Variants in FARP2 observed in about 807,000 individuals in gnomAD.
FARP2 encodes the protein FERM, ARHGEF and pleckstrin domain-containing protein 2.
Under a neutral mutation model 130.5 loss-of-function variants are expected in FARP2, and 111 were observed. The observed-to-expected ratio is 0.85, with a 90% CI of 0.73 to 1.00. FARP2 has a LOEUF of 1.00. Among genes scored for constraint, FARP2 ranks in the 50% least tolerant of loss-of-function variants. The pLI is 0.00. For synonymous variants in FARP2, 504 were observed against 516.9 expected, an observed-to-expected ratio of 0.98 and a Z score of 0.34; for missense variants, 1,385 against 1,346.3, an observed-to-expected ratio of 1.03 and a Z score of -0.45.
chr2:241,469,053 T>TTTTTTG (rs756666400), intron 18 of FARP2, among the ~76,000 whole-genome samples: 1 of 151,790 alleles, frequency 6.6e-6, no homozygotes, highest in African/African-American at 2.4e-5. Flanking sequence ...TATCAGGAGG[T>TTTTTTG]TTTTTGTTTT....
At position 241,435,510 on chromosome 2, in the gene FARP2, A is replaced by ATT. The variant is rs374376821; in HGVS notation, c.1100+498_1100+499dup. ...ATGTTTTAAAGAAAGTGGATTTGTA[A>ATT]TTTTTTTTTTTTTTTTTTTGAGACG... On this transcript the variant is annotated intron_variant, in intron 11 of 26. Coordinates refer to ENST00000264042, the MANE Select transcript of FARP2 (RefSeq NM_014808.4). 1.3e-3 allele frequency among the ~76,000 whole-genome samples: 179 copies of ATT among 134,522 alleles called. 1 individual carries two copies. The highest frequency in any genetic ancestry group is 4.2e-3 in the East Asian group (19 of 4,558). The allele number at this position is 134,522 out of a possible 152,430, so 88.3% of individuals were successfully genotyped here.
intron 1 of FARP2, among the ~76,000 whole-genome samples, chr2:241,360,274 T>C (rs1168897858): frequency 3.9e-5 from 6 of 152,134 alleles, no homozygotes; most frequent in Non-Finnish European, 8.8e-5. Context: ...TTTATGGAGC[T>C]TGAAGGTATA....
intron 2 of FARP2, among the ~76,000 whole-genome samples, chr2:241,383,390 C>T (rs904808680): frequency 2.0e-5 from 3 of 152,188 alleles, no homozygotes; most frequent in Non-Finnish European, 2.9e-5. Flanking sequence ...TGGGAGGGGC[C>T]GGCACAGATC....
At chr2:241,487,977 T>C (rs187560837) in intron 21 of FARP2, among the ~76,000 whole-genome samples, 48 of 152,018 alleles carry the variant, frequency 3.2e-4, no homozygotes, top group Admixed American at 2.6e-4. Flanking sequence ...CTCGATCTCC[T>C]GACCTCGTGA....
At chr2:241,409,290 C>G (rs2062453368) in intron 5 of FARP2, among the ~76,000 whole-genome samples, 1 of 152,130 alleles carries the variant, frequency 6.6e-6, no homozygotes, top group Admixed American at 6.5e-5. Flanking sequence ...CGGCTCACAC[C>G]TGTAATTCCA....
chr2:241,471,931 T>TCTGCTCTGC, intron 18 of FARP2, among the ~76,000 whole-genome samples: 1 of 60,266 alleles, frequency 1.7e-5, no homozygotes, highest in Non-Finnish European at 3.7e-5. Flanking sequence ...CTGAGGGGAT[T>TCTGCTCTGC]ATGTTCTGTG....
At chr2:241,379,741 C>G (rs1165102281) in intron 2 of FARP2, among the ~76,000 whole-genome samples, 2 of 152,196 alleles carry the variant, frequency 1.3e-5, no homozygotes, top group Admixed American at 1.3e-4. Flanking sequence ...TTATTTTGGT[C>G]TGACCTCAGA....
intron 6 of FARP2, among the ~76,000 whole-genome samples, chr2:241,411,432 C>T (rs2062515064): frequency 6.6e-6 from 1 of 151,790 alleles, no homozygotes; most frequent in African/African-American, 2.4e-5. Flanking sequence ...CATATTCAGT[C>T]TAAGAGTCAG....
intron 1 of FARP2, among the ~76,000 whole-genome samples, chr2:241,359,518 C>G (rs1184090402): frequency 6.6e-6 from 1 of 152,198 alleles, no homozygotes; most frequent in Non-Finnish European, 1.5e-5. Context: ...TATACTCATC[C>G]TTTCCCAGCT....
chr2:241,413,907 A>C (rs1482806344), intron 7 of FARP2, among the ~76,000 whole-genome samples: 1 of 148,244 alleles, frequency 6.7e-6, no homozygotes, highest in Non-Finnish European at 1.5e-5. Context: ...GTGCCACTAC[A>C]CTCCAGCCTG....
intron 8 of FARP2, among the ~76,000 whole-genome samples, chr2:241,428,835 C>T (rs2063023449): frequency 6.6e-6 from 1 of 152,184 alleles, no homozygotes; most frequent in African/African-American, 2.4e-5. Context: ...CCAGAACAGG[C>T]ACCCATCAGG....
intron 2 of FARP2, among the ~76,000 whole-genome samples, chr2:241,378,604 G>A (rs1185848869): frequency 6.6e-6 from 1 of 151,714 alleles, no homozygotes; most frequent in Non-Finnish European, 1.5e-5. Flanking sequence ...TAGAGATGGG[G>A]TCTCCCCACA....
At position 241,374,168 on chromosome 2, in the gene FARP2, C is replaced by T. The variant is rs559842351; in HGVS notation, c.183+878C>T. On this transcript the variant is annotated intron_variant, in intron 2 of 26. Coordinates refer to ENST00000264042, the MANE Select transcript of FARP2 (RefSeq NM_014808.4). ...CTGGGATTACAAGCATGCACCACCA[C>T]GCCTGGCTAATTTTTGTACTTTTAG... 1.5e-4 allele frequency among the ~76,000 whole-genome samples: 23 copies of T among 152,002 alleles called. No homozygotes were observed. In the South Asian group the frequency reaches 3.1e-3, roughly 21 times the overall value.
intron 2 of FARP2, among the ~76,000 whole-genome samples, chr2:241,374,622 C>T (rs2061493265): frequency 6.6e-6 from 1 of 152,112 alleles, no homozygotes; most frequent in Non-Finnish European, 1.5e-5. Flanking sequence ...GTGGGTGGGG[C>T]AGTGAAGCTC....
At chr2:241,388,263 C>T (rs1374438326) in intron 2 of FARP2, among the ~76,000 whole-genome samples, 2 of 152,214 alleles carry the variant, frequency 1.3e-5, no homozygotes, top group Non-Finnish European at 2.9e-5. Context: ...TGAGAATCCA[C>T]AAATAAGCCC....
intron 19 of FARP2, chr2:241,478,765 C>T (rs1241487018): frequency 1.9e-5 from 8 of 422,338 alleles, no homozygotes; most frequent in Admixed American, 1.1e-4. Flanking sequence ...ATGTGTACCA[C>T]GTGCTTCAGT....
chr2:241,378,558 G>A (rs12622120), intron 2 of FARP2, among the ~76,000 whole-genome samples: 5,064 of 151,920 alleles, frequency 0.033, 505 homozygotes, highest in Admixed American at 0.19. Context: ...AACTACAGGC[G>A]TGTACCACCA....
rs578055443 is a variant in FARP2, at chr2:241,490,969, G to C, written c.2505-92G>C. On this transcript the variant is annotated intron_variant, in intron 22 of 26. Transcript: ENST00000264042. ...AGGCAGGACAAAGCAGAATGTGAGA[G>C]AACAGGTGCCCTGACGGCTCGCCCT... The C allele has an allele frequency of 2.2e-5, 20 of 921,358 alleles. No individual in the cohort carries two copies. The Admixed American group carries it at 3.2e-4, about 15-fold the overall frequency. The allele number at this position is 921,358 out of a possible 1,614,324, so 57.1% of individuals were successfully genotyped here. A position where few individuals can be genotyped will look rare whatever the true frequency, so the allele number is the denominator to read the frequency against.
chr2:241,434,745 G>A (rs1270565509), intron 10 of FARP2, among the ~76,000 whole-genome samples: 2 of 152,070 alleles, frequency 1.3e-5, no homozygotes, highest in Admixed American at 1.3e-4. Context: ...CCAGCTACTC[G>A]GGAGGCTGAG....
Sources: gnomAD v4.1 joint callset for allele counts (sites outside exome capture counted in the v4.1 genomes callset) on GRCh38, gnomAD v4.1.1 for gene constraint, MANE v1.5 for transcripts, NCBI Gene and HGNC (gene_info 2026-07-23, HGNC 2026-07-21) for gene names.